Variants in NUP37 observed in about 807,000 individuals in gnomAD.
NUP37 encodes the protein nucleoporin 37.
In NUP37, 33 loss-of-function variants were observed where a neutral mutation model predicts 45.4. That is an observed-to-expected ratio of 0.73 (90% CI 0.55 to 0.97). The LOEUF (loss-of-function observed/expected upper bound fraction) is 0.97. Ranked by LOEUF, NUP37 falls within the 50% of genes least tolerant of loss-of-function variation. The pLI is 0.00. For synonymous variants in NUP37, 127 were observed against 130.7 expected (o/e 0.97, Z 0.19); for missense variants, 365 against 389.7 (o/e 0.94, Z 0.53).
rs111394995 is a variant in NUP37 at position 102,085,895 on chromosome 12, A to C, written c.450-39T>G. On this transcript the variant is annotated intron_variant, in intron 5 of 9. Transcript: ENST00000552283. Reference sequence around the variant, plus strand: ...AACAGTATAATGTTAATTGTTCTTGATATATCATTACTAAAAAATTAAATT... The same window carrying C: ...AACAGTATAATGTTAATTGTTCTTGCTATATCATTACTAAAAAATTAAATT... 6.3e-6 allele frequency: 6 copies of C among 955,616 alleles called. No individual in the cohort carries two copies. In the African/African-American group the frequency reaches 6.7e-5, roughly 11 times the overall value. 59.2% of individuals were successfully genotyped at this position (955,616 alleles called of 1,614,324 possible). A position where few individuals can be genotyped will look rare whatever the true frequency, so the allele number is the denominator to read the frequency against.
At chr12:102,111,145 C>A (rs1476197765) in intron 3 of NUP37, among the ~76,000 whole-genome samples, 1 of 152,116 alleles carries the variant, frequency 6.6e-6, no homozygotes, top group Non-Finnish European at 1.5e-5. Flanking sequence ...CACTGGTATA[C>A]ATAACAATGT....
intron 4 of NUP37, 49 bp from the exon 5 acceptor site, chr12:102,099,249 C>T (rs1403043149): frequency 7.2e-6 from 9 of 1,249,084 alleles, no homozygotes; most frequent in Non-Finnish European, 1.1e-5. Flanking sequence ...GAAAAATAAC[C>T]TACAATATTC....
At chr12:102,115,817 C>G (rs770103189) in intron 2 of NUP37, 4 of 982,620 alleles carry the variant, frequency 4.1e-6, no homozygotes, top group Non-Finnish European at 3.6e-6. Context: ...ACTTAGTTTT[C>G]TCTCAAGACA....
chr12:102,097,547 AT>A (rs1344238012), intron 5 of NUP37, among the ~76,000 whole-genome samples: 1 of 150,994 alleles, frequency 6.6e-6, no homozygotes, highest in Non-Finnish European at 1.5e-5. Context: ...TACAAAAAAA[AT>A]CTCAGAGTCA....
intron 4 of NUP37, 116 bp downstream of exon 4, chr12:102,100,916 A>G (rs1879951241): frequency 1.7e-6 from 1 of 598,978 alleles, no homozygotes; most frequent in Non-Finnish European, 2.9e-6. Context: ...TCTAAATTAT[A>G]TACTTTAATG....
intron 6 of NUP37, among the ~76,000 whole-genome samples, chr12:102,078,824 G>A (rs555920685): frequency 6.6e-6 from 1 of 152,152 alleles, no homozygotes; most frequent in African/African-American, 2.4e-5. Flanking sequence ...TAATACACTG[G>A]TAAGTTTTAT....
intron 4 of NUP37, among the ~76,000 whole-genome samples, chr12:102,100,382 T>G (rs561978047): frequency 6.6e-6 from 1 of 152,262 alleles, no homozygotes; most frequent in South Asian, 2.1e-4. Flanking sequence ...ATGATGCAAT[T>G]TTGACCCAAT....
At position 102,084,908 on chromosome 12, in the gene NUP37, C is replaced by T. The variant is rs898887918; in HGVS notation, c.540+858G>A. Among the ~76,000 whole-genome samples the T allele has an allele frequency of 3.9e-5, 6 of 152,104 alleles. No homozygotes were observed. In the East Asian group the frequency reaches 1.2e-3, roughly 29 times the overall value. On this transcript the variant is annotated intron_variant, in intron 6 of 9. Transcript: ENST00000552283. The stretch of plus-strand genomic sequence containing the variant: ...ATGAGAGAATTCTTGTTTAATGGCT[C>T]CTAACTTTCCAATGAATCAGCATTA...
intron 2 of NUP37, among the ~76,000 whole-genome samples, chr12:102,113,835 T>A (rs1174997952): frequency 6.6e-6 from 1 of 152,238 alleles, no homozygotes; most frequent in African/African-American, 2.4e-5. Context: ...AGTTTTATAA[T>A]GTATACTCGA....
intron 4 of NUP37, among the ~76,000 whole-genome samples, chr12:102,099,980 TA>T (rs140318358): frequency 6.8e-5 from 10 of 147,302 alleles, no homozygotes; most frequent in South Asian, 2.2e-4. Context: ...AATGTAATAT[TA>T]AAAAAAAAAC....
intron 5 of NUP37, among the ~76,000 whole-genome samples, chr12:102,094,000 A>C (rs1230096087): frequency 6.6e-6 from 1 of 152,102 alleles, no homozygotes; most frequent in Non-Finnish European, 1.5e-5. Context: ...TGTTTTCTTC[A>C]CTTTACTGAC....
intron 5 of NUP37, 120 bp downstream of exon 5, chr12:102,098,986 G>A (rs1879894525): frequency 2.7e-6 from 2 of 736,722 alleles, no homozygotes; most frequent in South Asian, 1.6e-5. Context: ...AATAAGGTAT[G>A]CTTCTTTTAC....
At chr12:102,112,352 A>G in intron 2 of NUP37, 120 bp from the exon 3 acceptor site, 2 of 728,944 alleles carry the variant, frequency 2.7e-6, no homozygotes, top group Non-Finnish European at 4.1e-6. Context: ...TTCAAAAGCA[A>G]ATTACATATT....
intron 7 of NUP37, 176 bp downstream of exon 7, chr12:102,077,146 A>C (rs1879193536): frequency 1.5e-6 from 1 of 670,952 alleles, no homozygotes; most frequent in Non-Finnish European, 2.6e-6. Flanking sequence ...CTCCCAGAGT[A>C]AATCTGCATA....
intron 2 of NUP37, 109 bp from the exon 3 acceptor site, chr12:102,112,341 G>T: frequency 4.7e-6 from 4 of 842,954 alleles, no homozygotes; most frequent in Non-Finnish European, 6.8e-6. Context: ...CTTTTGAAAA[G>T]TTCAAAAGCA....
intron 5 of NUP37, among the ~76,000 whole-genome samples, chr12:102,096,275 A>G (rs529083822): frequency 1.3e-5 from 2 of 152,296 alleles, no homozygotes; most frequent in African/African-American, 4.8e-5. Flanking sequence ...AAACTTGCAC[A>G]GATCATAGAA....
intron 3 of NUP37, among the ~76,000 whole-genome samples, chr12:102,101,687 T>C (rs1879975827): frequency 1.3e-5 from 2 of 152,186 alleles, no homozygotes; most frequent in Admixed American, 1.3e-4. Flanking sequence ...AGTTAATCAA[T>C]GGATTATTAA....
chr12:102,102,429 G>C (rs1879999393), intron 3 of NUP37, among the ~76,000 whole-genome samples: 1 of 152,192 alleles, frequency 6.6e-6, no homozygotes, highest in African/African-American at 2.4e-5. Context: ...TGTCTACTCA[G>C]GTTCTTTGCC....
At chr12:102,110,439 T>C (rs1302389347) in intron 3 of NUP37, among the ~76,000 whole-genome samples, 1 of 150,528 alleles carries the variant, frequency 6.6e-6, no homozygotes, top group Non-Finnish European at 1.5e-5. Flanking sequence ...CCAAGGGAGG[T>C]TGAGGCTGCA....
Sources: gnomAD v4.1 joint callset for allele counts (sites outside exome capture counted in the v4.1 genomes callset) on GRCh38, gnomAD v4.1.1 for gene constraint, MANE v1.5 for transcripts, NCBI Gene and HGNC (gene_info 2026-07-23, HGNC 2026-07-21) for gene names.